VPS8: variants seen among roughly 807,000 people sequenced by gnomAD.
The protein encoded by VPS8 is vacuolar protein sorting-associated protein 8 homolog.
A neutral mutation model predicts 216.4 loss-of-function variants in VPS8; 129 were observed. The ratio of observed to expected loss-of-function variants is 0.60; its 90% CI spans 0.52 to 0.69. The LOEUF is 0.69. Among genes scored for constraint, VPS8 ranks in the 30% least tolerant of loss-of-function variants. The probability of loss-of-function intolerance (pLI) is 0.00; values close to 1 mark genes in which losing one functional copy is unlikely to be tolerated. For synonymous variants in VPS8, 571 were observed against 565.4 expected (o/e 1.01, Z -0.14); for missense variants, 1,531 against 1,683.5 (o/e 0.91, Z 1.59).
At chr3:184,821,732 C>T (rs533586532) in intron 1 of VPS8, among the ~76,000 whole-genome samples, 68 of 152,094 alleles carry the variant, frequency 4.5e-4, no homozygotes, top group Non-Finnish European at 9.8e-4. Context: ...AGAGGTTCAT[C>T]TCCAGTGACA....
chr3:185,011,603 G>A (rs1280607454), intron 45 of VPS8, among the ~76,000 whole-genome samples: 1 of 152,192 alleles, frequency 6.6e-6, no homozygotes, highest in Non-Finnish European at 1.5e-5. Flanking sequence ...CAGCTGCCTG[G>A]TGCTGAGTTT....
At position 185,051,932 on chromosome 3, in the gene VPS8, C is replaced by G. The variant is rs1208451998; in HGVS notation, c.4194C>G (p.Phe1398Leu). ...GCAGCAGCGAGAGCTATAGGCCATT[C>G]AGTGGCTCGCAGAGTGCTCCTGCTT... is the stretch of plus-strand genomic sequence containing the variant. ...QNRSSESYRPFSGSQSAPAFN... is the reference protein window; with the variant it reads ...QNRSSESYRPLSGSQSAPAFN... Residue 1398 changes from phenylalanine to leucine, a missense_variant, in exon 48 of 48, where the codon TTC (phenylalanine) becomes TTG (leucine). Phe to Leu is a conservative substitution (Grantham distance 22). Coordinates refer to ENST00000625842, the MANE Select transcript of VPS8 (RefSeq NM_001009921.3). 6.2e-7 allele frequency: 1 copy of G among 1,613,546 alleles called. No individual in the cohort carries two copies. Among genetic ancestry groups the G allele is most frequent in the Non-Finnish European group, 8.5e-7 (1 of 1,179,732 alleles).
intron 21 of VPS8, among the ~76,000 whole-genome samples, chr3:184,882,856 A>G (rs1730513105): frequency 6.6e-6 from 1 of 152,132 alleles, no homozygotes; most frequent in Non-Finnish European, 1.5e-5. Flanking sequence ...GAATTTTCAT[A>G]GTATTCCCTT....
At chr3:185,038,101 C>T in intron 46 of VPS8, among the ~76,000 whole-genome samples, 1 of 152,196 alleles carries the variant, frequency 6.6e-6, no homozygotes, top group Non-Finnish European at 1.5e-5. Context: ...ACTGGTCCCC[C>T]TACCCCCAGG....
Position 184,985,365 on chromosome 3 carries a change from C to G in VPS8, c.3585+2271C>G, listed in dbSNP as rs190059239. 5.2e-4 allele frequency among the ~76,000 whole-genome samples: 79 copies of G among 152,052 alleles called. No homozygotes were observed. In the East Asian group the frequency reaches 7.1e-3, roughly 14 times the overall value. On this transcript the variant is annotated intron_variant, in intron 42 of 47. Coordinates refer to ENST00000625842, the MANE Select transcript of VPS8 (RefSeq NM_001009921.3). Reference sequence around the variant, plus strand: ...GTGAGCTTTTTTTATTTGTTTATGTCCCTGGTCTTTTGAGTTCATTATTAA... The same window carrying G: ...GTGAGCTTTTTTTATTTGTTTATGTGCCTGGTCTTTTGAGTTCATTATTAA...
chr3:185,024,056 A>C (rs1017359423), intron 45 of VPS8, among the ~76,000 whole-genome samples: 6 of 152,232 alleles, frequency 3.9e-5, no homozygotes, highest in African/African-American at 1.4e-4. Flanking sequence ...TCATCACCAA[A>C]GATCTATTAT....
intron 17 of VPS8, 119 bp from the exon 18 acceptor site, chr3:184,867,905 G>T: frequency 1.0e-6 from 1 of 976,604 alleles, no homozygotes; most frequent in Non-Finnish European, 1.5e-6. Context: ...ACTTCTAACT[G>T]TAGTATGAAA....
At chr3:184,946,457 A>T (rs1407033050) in intron 36 of VPS8, among the ~76,000 whole-genome samples, 1 of 152,228 alleles carries the variant, frequency 6.6e-6, no homozygotes, top group African/African-American at 2.4e-5. Context: ...CACCGTCATC[A>T]TCTTTGCAGT....
intron 36 of VPS8, among the ~76,000 whole-genome samples, chr3:184,950,244 T>TTTTTTTTTTTA (rs1412761706): frequency 1.4e-5 from 2 of 141,472 alleles, no homozygotes; most frequent in African/African-American, 2.7e-5. Context: ...TTTTTTTTTT[T>TTTTTTTTTTTA]ACTCTAGCTT....
intron 47 of VPS8, 91 bp downstream of exon 47, chr3:185,048,650 C>T: frequency 7.0e-7 from 1 of 1,424,498 alleles, no homozygotes; most frequent in Non-Finnish European, 9.7e-7. Flanking sequence ...CCTCTAGCCT[C>T]CTTCTAGCCT....
At chr3:184,883,639 A>G (rs1483579154) in intron 21 of VPS8, among the ~76,000 whole-genome samples, 1 of 151,868 alleles carries the variant, frequency 6.6e-6, no homozygotes, top group Non-Finnish European at 1.5e-5. Context: ...TTTTTCTTTG[A>G]TGACTGTAAT....
At chr3:184,959,517 A>G (rs1254995931) in intron 37 of VPS8, among the ~76,000 whole-genome samples, 2 of 152,198 alleles carry the variant, frequency 1.3e-5, no homozygotes, top group African/African-American at 4.8e-5. Flanking sequence ...AATGCTATGA[A>G]TAGCCACCGC....
chr3:184,945,155 T>TTC (rs374772641), intron 36 of VPS8, among the ~76,000 whole-genome samples: 6 of 151,294 alleles, frequency 4.0e-5, no homozygotes, highest in South Asian at 4.2e-4. Context: ...CTCTCTCTCT[T>TTC]TCTCTCTCTC....
At chr3:184,838,674 G>T in intron 5 of VPS8, 40 bp from the exon 6 acceptor site, 2 of 1,489,752 alleles carry the variant, frequency 1.3e-6, no homozygotes, top group African/African-American at 1.4e-5. Context: ...GTTTTAAAAT[G>T]AGAATATTTT....
intron 1 of VPS8, among the ~76,000 whole-genome samples, chr3:184,821,814 A>G (rs1348407877): frequency 6.6e-6 from 1 of 152,120 alleles, no homozygotes; most frequent in African/African-American, 2.4e-5. Flanking sequence ...TGGGTGGGGA[A>G]TGTGGGATCT....
chr3:184,840,891 A>G (rs1006769620), intron 7 of VPS8, among the ~76,000 whole-genome samples: 1 of 152,276 alleles, frequency 6.6e-6, no homozygotes, highest in Middle Eastern at 3.4e-3. Context: ...TTAATAGCAG[A>G]ACCACGATTT....
intron 46 of VPS8, among the ~76,000 whole-genome samples, chr3:185,045,826 T>G (rs1043219159): frequency 6.6e-6 from 1 of 151,344 alleles, no homozygotes; most frequent in Non-Finnish European, 1.5e-5. Context: ...GTTTTCTTCC[T>G]TCCAGCGGAT....
chr3:184,854,188 C>T lies in VPS8; in HGVS notation c.1035+15C>T. ...CCTATGGCCGGGTGAGTACGTCCCT[C>T]CATCTTATTTGCCAAAGGAAGGACC... On this transcript the variant is annotated intron_variant, in intron 13 of 47. Transcript: ENST00000625842. 1 of 1,613,312 alleles carries T rather than the reference C, an allele frequency of 6.2e-7. No individual in the cohort carries two copies. Among genetic ancestry groups the T allele is most frequent in the South Asian group, 1.1e-5 (1 of 91,026 alleles).
Position 184,999,687 on chromosome 3 carries a change from G to A in VPS8, c.3837-9G>A, listed in dbSNP as rs762629873. The A allele has an allele frequency of 2.4e-5, 39 of 1,598,382 alleles. No individual in the cohort carries two copies. The highest frequency in any genetic ancestry group is 1.7e-4 in the Middle Eastern group (1 of 5,978). Reference sequence around the variant, plus strand: ...TAAAAAGTACAAATTGGTTGCCTTCGTTTTGCAGCTGTGGCCATTTGTATC... The same window carrying A: ...TAAAAAGTACAAATTGGTTGCCTTCATTTTGCAGCTGTGGCCATTTGTATC... On this transcript the variant is annotated splice_polypyrimidine_tract_variant and intron_variant, in intron 44 of 47. Coordinates refer to ENST00000625842, the MANE Select transcript of VPS8 (RefSeq NM_001009921.3).
Sources: gnomAD v4.1 joint callset for allele counts (sites outside exome capture counted in the v4.1 genomes callset) on GRCh38, gnomAD v4.1.1 for gene constraint, MANE v1.5 for transcripts, NCBI Gene and HGNC (gene_info 2026-07-23, HGNC 2026-07-21) for gene names.